Variants in RAPGEF4 observed in about 807,000 individuals in gnomAD.
The protein encoded by RAPGEF4 is RAP guanine-nucleotide-exchange factor (GEF) 4.
RAPGEF4 carries 66 observed loss-of-function variants against 147.9 expected under a neutral mutation model. The observed-to-expected ratio is 0.45, with a 90% CI of 0.37 to 0.55. The LOEUF (loss-of-function observed/expected upper bound fraction) is 0.55, where lower values mean the gene tolerates loss of function less well. Ranked by LOEUF, RAPGEF4 falls within the 20% of genes least tolerant of loss-of-function variation. RAPGEF4 has a pLI of 0.00. For missense variants in RAPGEF4, 1,071 were observed against 1,257.3 expected (o/e 0.85, Z 2.24); for synonymous variants, 419 against 442.7 (o/e 0.95, Z 0.67).
At chr2:172,836,615 T>C (rs544411409) in intron 4 of RAPGEF4, among the ~76,000 whole-genome samples, 24 of 152,146 alleles carry the variant, frequency 1.6e-4, no homozygotes, top group African/African-American at 5.3e-4. Context: ...GAATGATGAG[T>C]CATGAGAAGA....
intron 1 of RAPGEF4, among the ~76,000 whole-genome samples, chr2:172,746,982 T>C (rs188710648): frequency 7.2e-5 from 11 of 152,302 alleles, no homozygotes; most frequent in Admixed American, 2.0e-4. Context: ...AAATAATTTT[T>C]ATAGGCCCTT....
At chr2:172,961,704 A>G (rs1185392673) in intron 8 of RAPGEF4, among the ~76,000 whole-genome samples, 2 of 152,206 alleles carry the variant, frequency 1.3e-5, no homozygotes, top group Non-Finnish European at 2.9e-5. Flanking sequence ...TCACAAGTCT[A>G]GTGAGTGGCA....
intron 17 of RAPGEF4, among the ~76,000 whole-genome samples, chr2:173,007,023 T>C (rs943900767): frequency 2.6e-5 from 4 of 152,208 alleles, no homozygotes; most frequent in Admixed American, 2.6e-4. Flanking sequence ...TCAGATATGC[T>C]AAAAAATATT....
intron 1 of RAPGEF4, among the ~76,000 whole-genome samples, chr2:172,779,147 G>A (rs1353793533): frequency 1.3e-5 from 2 of 152,088 alleles, no homozygotes; most frequent in Non-Finnish European, 2.9e-5. Context: ...CGGTACTGGA[G>A]ATACAATTGT....
Position 173,036,222 on chromosome 2 carries a change from A to T in RAPGEF4, c.2788+10A>T, listed in dbSNP as rs750755318. ...CCTTTGCTCATTAAAGGTAATCCTA[A>T]TAAGATGCACAGGCCAAGCAGGTGA... On this transcript the variant is annotated intron_variant, in intron 28 of 30. Coordinates refer to ENST00000397081, the MANE Select transcript of RAPGEF4 (RefSeq NM_007023.4). 6.3e-7 allele frequency: 1 copy of T among 1,579,762 alleles called. No individual in the cohort carries two copies. The highest frequency in any genetic ancestry group is 8.7e-7 in the Non-Finnish European group (1 of 1,149,458).
intron 4 of RAPGEF4, among the ~76,000 whole-genome samples, chr2:172,875,275 G>T (rs1246840028): frequency 2.6e-4 from 39 of 152,082 alleles, no homozygotes; most frequent in Non-Finnish European, 2.9e-5. Context: ...GTCAATTTTG[G>T]CTTTTGTTGC....
At chr2:172,807,611 G>A (rs1321517027) in intron 3 of RAPGEF4, among the ~76,000 whole-genome samples, 1 of 152,130 alleles carries the variant, frequency 6.6e-6, no homozygotes, top group African/African-American at 2.4e-5. Flanking sequence ...ATTCAAGTTC[G>A]TGAAATAATC....
intron 17 of RAPGEF4, among the ~76,000 whole-genome samples, chr2:173,001,993 CA>C (rs11397728): frequency 0.21 from 16,237 of 78,896 alleles, 1,361 homozygotes; most frequent in Middle Eastern, 0.35. Flanking sequence ...GTGATGCTGG[CA>C]AAAAAAAAAA....
At chr2:173,005,293 T>A (rs1318097152) in intron 17 of RAPGEF4, among the ~76,000 whole-genome samples, 5 of 152,122 alleles carry the variant, frequency 3.3e-5, no homozygotes, top group Non-Finnish European at 5.9e-5. Flanking sequence ...TTGTCTCAAT[T>A]TAGTGCTTTG....
intron 3 of RAPGEF4, among the ~76,000 whole-genome samples, chr2:172,799,834 A>G (rs1309951680): frequency 6.6e-6 from 1 of 152,228 alleles, no homozygotes; most frequent in Non-Finnish European, 1.5e-5. Context: ...GGGATGATAC[A>G]TAACACCAGC....
Position 172,929,933 on chromosome 2 carries a change from A to G in RAPGEF4, c.537+7633A>G, listed in dbSNP as rs576901859. On this transcript the variant is annotated intron_variant, in intron 6 of 30. Coordinates refer to ENST00000397081, the MANE Select transcript of RAPGEF4 (RefSeq NM_007023.4). ...CTTACTCATTTGTTTCCTCATCTAC[A>G]GAAGGAGAATAATAGTAGCATCTTG... is the stretch of plus-strand genomic sequence containing the variant. Among the ~76,000 whole-genome samples the G allele has an allele frequency of 7.4e-4, 113 of 152,340 alleles. 1 individual carries two copies. The highest frequency in any genetic ancestry group is 2.6e-3 in the African/African-American group (108 of 41,572).
chr2:172,767,178 ATTTT>A (rs530659614), intron 1 of RAPGEF4, among the ~76,000 whole-genome samples: 1 of 136,954 alleles, frequency 7.3e-6, no homozygotes, highest in Non-Finnish European at 1.6e-5. Context: ...TAAACACTCT[ATTTT>A]TTTTTTTTTT....
intron 10 of RAPGEF4, among the ~76,000 whole-genome samples, chr2:172,975,422 T>C (rs1353966660): frequency 6.6e-6 from 1 of 152,218 alleles, no homozygotes. Flanking sequence ...ATCCACTATG[T>C]CCTGACAAAG....
intron 6 of RAPGEF4, among the ~76,000 whole-genome samples, chr2:172,959,940 C>G (rs1425904542): frequency 2.0e-5 from 3 of 151,894 alleles, no homozygotes. Context: ...CAAAAATTAA[C>G]CGGGTATGGT....
intron 1 of RAPGEF4, among the ~76,000 whole-genome samples, chr2:172,743,557 C>G (rs2149423781): frequency 6.6e-6 from 1 of 152,288 alleles, no homozygotes; most frequent in African/African-American, 2.4e-5. Context: ...ATGAATATCC[C>G]ATTAATATTT....
intron 4 of RAPGEF4, among the ~76,000 whole-genome samples, chr2:172,892,016 A>G (rs1156258787): frequency 1.3e-5 from 2 of 152,170 alleles, no homozygotes; most frequent in African/African-American, 2.4e-5. Flanking sequence ...TAAAATGACC[A>G]TGAAGACCAA....
intron 1 of RAPGEF4, among the ~76,000 whole-genome samples, chr2:172,776,869 A>G (rs1474315326): frequency 6.6e-6 from 1 of 152,092 alleles, no homozygotes; most frequent in East Asian, 1.9e-4. Context: ...CATATTTATT[A>G]TAGTTGTTTT....
intron 29 of RAPGEF4, among the ~76,000 whole-genome samples, chr2:173,039,167 G>A (rs1334134435): frequency 2.6e-5 from 4 of 152,140 alleles, no homozygotes; most frequent in African/African-American, 4.8e-5. Context: ...TCACTTAAAA[G>A]TTCAAGCAGG....
intron 4 of RAPGEF4, among the ~76,000 whole-genome samples, chr2:172,912,806 C>T (rs1683577864): frequency 6.6e-6 from 1 of 151,968 alleles, no homozygotes; most frequent in Non-Finnish European, 1.5e-5. Context: ...CACATTCCTG[C>T]AGGCATCAGT....
Sources: gnomAD v4.1 joint callset for allele counts (sites outside exome capture counted in the v4.1 genomes callset) on GRCh38, gnomAD v4.1.1 for gene constraint, MANE v1.5 for transcripts, NCBI Gene and HGNC (gene_info 2026-07-23, HGNC 2026-07-21) for gene names.